The following BTBD9 variants were observed in gnomAD, a reference collection of about 807,000 sequenced individuals.
BTBD9 encodes the protein BTB domain containing 9.
Under a neutral mutation model 64.3 loss-of-function variants are expected in BTBD9, and 49 were observed. That is an observed-to-expected ratio of 0.76 (90% CI 0.61 to 0.97). The LOEUF (loss-of-function observed/expected upper bound fraction) is 0.97, where lower values mean the gene tolerates loss of function less well. Ranked by LOEUF, BTBD9 falls within the 50% of genes least tolerant of loss-of-function variation. The pLI is 0.00. For missense variants in BTBD9, 598 were observed against 762.1 expected, an observed-to-expected ratio of 0.78 and a Z score of 2.53; for synonymous variants, 260 against 274.7, an observed-to-expected ratio of 0.95 and a Z score of 0.53.
intron 6 of BTBD9, among the ~76,000 whole-genome samples, chr6:38,495,443 T>C (rs965345856): frequency 6.6e-6 from 1 of 152,338 alleles, no homozygotes; most frequent in Middle Eastern, 3.4e-3. Flanking sequence ...TGGAGTCACA[T>C]GGGTGAATCA....
At chr6:38,560,304 T>C (rs1401918785) in intron 6 of BTBD9, among the ~76,000 whole-genome samples, 2 of 152,002 alleles carry the variant, frequency 1.3e-5, no homozygotes, top group African/African-American at 2.4e-5. Context: ...AAAAAACATA[T>C]GAAAAAATGT....
rs1379016839 is a variant in BTBD9 at position 38,358,864 on chromosome 6, C to T, written c.1155-13771G>A. Among the ~76,000 whole-genome samples, 5 of 151,836 alleles carry T rather than the reference C, an allele frequency of 3.3e-5. No homozygotes were observed. The South Asian group carries it at 8.3e-4, about 25-fold the overall frequency. ...TCGGCTCACTGCAAGCTCCGCTTCC[C>T]GGGTTCACGCCATTCTCCTGCCTCA... On this transcript the variant is annotated intron_variant, in intron 6 of 10. Transcript: ENST00000481247.
At chr6:38,538,984 T>C (rs1213033921) in intron 6 of BTBD9, among the ~76,000 whole-genome samples, 2 of 152,134 alleles carry the variant, frequency 1.3e-5, no homozygotes, top group Non-Finnish European at 2.9e-5. Context: ...GTTGTTGTTG[T>C]TTTTGAGACA....
chr6:38,382,619 C>T (rs1765985887), intron 6 of BTBD9, among the ~76,000 whole-genome samples: 1 of 150,358 alleles, frequency 6.7e-6, no homozygotes, highest in Non-Finnish European at 1.5e-5. Flanking sequence ...TGACACAGTA[C>T]AGATAATTTT....
intron 9 of BTBD9, among the ~76,000 whole-genome samples, chr6:38,227,722 T>A (rs147439647): frequency 1.3e-5 from 2 of 152,140 alleles, no homozygotes; most frequent in African/African-American, 4.8e-5. Context: ...TCTGAGAGTA[T>A]AATGGAGAAG....
At chr6:38,291,133 A>G (rs570877072) in intron 7 of BTBD9, among the ~76,000 whole-genome samples, 1 of 152,338 alleles carries the variant, frequency 6.6e-6, no homozygotes, top group Non-Finnish European at 1.5e-5. Flanking sequence ...GTTAACTTCA[A>G]CTTCCCTAGA....
chr6:38,179,577 G>A (rs1239646193), intron 10 of BTBD9: 7 of 456,706 alleles, frequency 1.5e-5, no homozygotes, highest in Non-Finnish European at 1.8e-5. Flanking sequence ...CGCCCACAGC[G>A]CAGCTCCTGC....
At chr6:38,610,169 T>C (rs1777565168) in intron 1 of BTBD9, among the ~76,000 whole-genome samples, 1 of 152,308 alleles carries the variant, frequency 6.6e-6, no homozygotes, top group East Asian at 1.9e-4. Flanking sequence ...AGCAGAAATG[T>C]TGTAAAAGAC....
intron 6 of BTBD9, among the ~76,000 whole-genome samples, chr6:38,411,072 A>G (rs1229330014): frequency 6.6e-6 from 1 of 152,082 alleles, no homozygotes; most frequent in Non-Finnish European, 1.5e-5. Context: ...CAACATGCAT[A>G]AAAAAGAACA....
At chr6:38,311,600 A>G (rs1157396608) in intron 7 of BTBD9, among the ~76,000 whole-genome samples, 1 of 152,182 alleles carries the variant, frequency 6.6e-6, no homozygotes, top group Admixed American at 6.5e-5. Flanking sequence ...CATATCTAAA[A>G]GTGGGATTGC....
rs369202125 is a variant in BTBD9 at position 38,598,052 on chromosome 6, C to T, written c.43G>A (p.Glu15Lys). 5 of 1,613,798 alleles carry T rather than the reference C, an allele frequency of 3.1e-6. No homozygotes were observed. The highest frequency in any genetic ancestry group is 3.4e-6 in the Non-Finnish European group (4 of 1,179,852). Residue 15 changes from glutamate (E) to lysine (K), a missense_variant, in exon 2 of 11, where the codon GAA becomes AAA. Coordinates refer to ENST00000481247, the MANE Select transcript of BTBD9 (RefSeq NM_001099272.2). The part of the protein sequence containing the change: ...HPLRPFTAVG[E>K]IDHVHILSEH... Reference sequence around the variant, plus strand: ...GACAAAATGTGCACATGATCAATTTCCCCCACTGCAGTAAAGGGGCGAAGA... The same window carrying T: ...GACAAAATGTGCACATGATCAATTTTCCCCACTGCAGTAAAGGGGCGAAGA...
At chr6:38,601,852 C>G (rs1777252832) in intron 1 of BTBD9, among the ~76,000 whole-genome samples, 1 of 151,870 alleles carries the variant, frequency 6.6e-6, no homozygotes, top group South Asian at 2.1e-4. Flanking sequence ...CTAAAGTAAC[C>G]ACATAAAATA....
chr6:38,390,683 A>G (rs1231319610), intron 6 of BTBD9, among the ~76,000 whole-genome samples: 1 of 152,212 alleles, frequency 6.6e-6, no homozygotes, highest in Admixed American at 6.5e-5. Context: ...GCACAGTATC[A>G]CCTACATTGT....
At chr6:38,282,155 T>A (rs1228898929) in intron 8 of BTBD9, among the ~76,000 whole-genome samples, 1 of 152,212 alleles carries the variant, frequency 6.6e-6, no homozygotes, top group African/African-American at 2.4e-5. Flanking sequence ...CTGGTCTTTT[T>A]ATGTGGTCAA....
intron 6 of BTBD9, among the ~76,000 whole-genome samples, chr6:38,422,535 T>C (rs1263788229): frequency 6.6e-6 from 1 of 152,138 alleles, no homozygotes; most frequent in Non-Finnish European, 1.5e-5. Context: ...TAATATTTCT[T>C]TTAAAAAGGG....
intron 6 of BTBD9, among the ~76,000 whole-genome samples, chr6:38,461,838 T>G (rs1770100748): frequency 6.6e-6 from 1 of 152,244 alleles, no homozygotes; most frequent in Admixed American, 6.5e-5. Flanking sequence ...ACATTTGGTA[T>G]GGTCAGTTTT....
chr6:38,523,356 A>G (rs1259692233), intron 6 of BTBD9, among the ~76,000 whole-genome samples: 1 of 152,146 alleles, frequency 6.6e-6, no homozygotes, highest in Non-Finnish European at 1.5e-5. Context: ...CTAGCAATCT[A>G]TTTTATATTA....
intron 9 of BTBD9, among the ~76,000 whole-genome samples, chr6:38,215,910 C>T (rs1287748885): frequency 1.3e-5 from 2 of 152,204 alleles, no homozygotes; most frequent in Non-Finnish European, 1.5e-5. Flanking sequence ...CCACCTGCGC[C>T]CCCCACACCA....
chr6:38,474,624 C>T (rs1360018611), intron 6 of BTBD9, among the ~76,000 whole-genome samples: 1 of 152,186 alleles, frequency 6.6e-6, no homozygotes, highest in Non-Finnish European at 1.5e-5. Context: ...CATCTTCATT[C>T]CCAGGGCCTA....
Sources: gnomAD v4.1 joint callset for allele counts (sites outside exome capture counted in the v4.1 genomes callset) on GRCh38, gnomAD v4.1.1 for gene constraint, MANE v1.5 for transcripts, NCBI Gene and HGNC (gene_info 2026-07-23, HGNC 2026-07-21) for gene names.